CFAP99: variants seen among roughly 807,000 people sequenced by gnomAD.
The protein encoded by CFAP99 is cilia- and flagella-associated protein 99.
Under a neutral mutation model 82.7 loss-of-function variants are expected in CFAP99, and 84 were observed. The ratio of observed to expected loss-of-function variants is 1.02; its 90% CI spans 0.85 to 1.22. The LOEUF is 1.22. CFAP99 is among the 50% of genes most tolerant of loss of function. The pLI is 0.00. For synonymous variants in CFAP99, 456 were observed against 429.5 expected (o/e 1.06, Z -0.76); for missense variants, 1,059 against 983.5 (o/e 1.08, Z -1.03).
chr4:2,445,746 T>C (rs1446583342), intron 6 of CFAP99, among the ~76,000 whole-genome samples: 1 of 152,196 alleles, frequency 6.6e-6, no homozygotes, highest in Non-Finnish European at 1.5e-5. Context: ...TCAGTCAGGA[T>C]GCTTTGTATT....
In CFAP99 at chr4:2,462,387, G is replaced by A; in HGVS notation, c.1662-56G>A. The A allele has an allele frequency of 7.3e-7, 1 of 1,376,558 alleles. No homozygotes were observed. The highest frequency in any genetic ancestry group is 9.3e-7 in the Non-Finnish European group (1 of 1,075,346). The allele number at this position is 1,376,558 out of a possible 1,614,324, so 85.3% of individuals were successfully genotyped here. ...TCGCTTGGACACGGGTGGCATCCTG[G>A]GTCTGGCCTGGGCCTCCCGCCGGCC... On this transcript the variant is annotated intron_variant, in intron 14 of 14. Transcript: ENST00000635017. This position sits in a 1 kb window ranked among gnomAD's most constrained non-coding sequence, Gnocchi z 4.1.
rs1042316514 is a variant in CFAP99, at chr4:2,432,442, G to A, written c.112-4432G>A. Among the ~76,000 whole-genome samples the A allele has an allele frequency of 3.3e-5, 5 of 152,352 alleles. No homozygotes were observed. The East Asian group carries it at 9.6e-4, about 29-fold the overall frequency. On this transcript the variant is annotated intron_variant, in intron 2 of 14. Transcript: ENST00000635017. ...GCATTCTTTCTGTTAAGTGAGAAGTGCGGCCCTGCAGCCTCCGTTTCCTTT... is the reference window on the plus strand; with the variant it reads ...GCATTCTTTCTGTTAAGTGAGAAGTACGGCCCTGCAGCCTCCGTTTCCTTT...
chr4:2,422,098 C>CT (rs1350249298), intron 1 of CFAP99, among the ~76,000 whole-genome samples: 4 of 152,304 alleles, frequency 2.6e-5, no homozygotes, highest in African/African-American at 9.6e-5. Flanking sequence ...AGCTGAGATG[C>CT]TGAAAGCAGG....
chr4:2,449,760 G>A lies in CFAP99; in HGVS notation c.723+10G>A. On this transcript the variant is annotated intron_variant, in intron 7 of 14. Coordinates refer to ENST00000635017, the Ensembl canonical transcript of CFAP99. ...CCGCCGAAAGGCCGAGGTGAGCTGTGTGCGACCCCTGCCTTCCTAGAGACC... is the reference window on the plus strand; with the variant it reads ...CCGCCGAAAGGCCGAGGTGAGCTGTATGCGACCCCTGCCTTCCTAGAGACC... 1 of 1,536,182 alleles carries A rather than the reference G, an allele frequency of 6.5e-7. No individual in the cohort carries two copies. The highest frequency in any genetic ancestry group is 8.7e-7 in the Non-Finnish European group (1 of 1,146,866).
chr4:2,446,163 C>A lies in CFAP99; in HGVS notation c.642+855C>A, dbSNP rs1477303692. Among the ~76,000 whole-genome samples, 1 of 152,174 alleles carries A rather than the reference C, an allele frequency of 6.6e-6. No individual in the cohort carries two copies. The highest frequency in any genetic ancestry group is 2.4e-5 in the African/African-American group (1 of 41,442). On this transcript the variant is annotated intron_variant, in intron 6 of 14. Coordinates refer to ENST00000635017, the Ensembl canonical transcript of CFAP99. The surrounding 1 kb of genome is among the most constrained non-coding windows in gnomAD (Gnocchi z 5.0). ...TTCAGGTCTCATTAAAATCCCTCTT[C>A]CCAGAGAGGCTTTTCATGAACCCCT...
At chr4:2,452,009 G>A (rs1734313330) in intron 10 of CFAP99, 133 bp from the exon 11 acceptor site, 2 of 862,056 alleles carry the variant, frequency 2.3e-6, no homozygotes, top group African/African-American at 1.7e-5. Flanking sequence ...AGGAAGGGCA[G>A]GCCACGCAGC....
At chr4:2,435,160 G>T (rs1733881520) in intron 2 of CFAP99, among the ~76,000 whole-genome samples, 1 of 151,998 alleles carries the variant, frequency 6.6e-6, no homozygotes, top group African/African-American at 2.4e-5. Flanking sequence ...AGCCAGGCGT[G>T]GGTGGCTGGA....
intron 6 of CFAP99, 94 bp downstream of exon 6, chr4:2,445,402 T>TC (rs1159509246): frequency 1.8e-6 from 2 of 1,123,390 alleles, no homozygotes; most frequent in Middle Eastern, 3.0e-4. Flanking sequence ...GGGACTGGGC[T>TC]CCCCCCAGGG....
chr4:2,458,063 C>A (rs1343768378), intron 11 of CFAP99, among the ~76,000 whole-genome samples: 1 of 152,094 alleles, frequency 6.6e-6, no homozygotes, highest in African/African-American at 2.4e-5. Flanking sequence ...CCAGGAGGCA[C>A]CGCCGCCCTC....
intron 4 of CFAP99, among the ~76,000 whole-genome samples, chr4:2,440,588 CA>C (rs1161965527): frequency 6.6e-6 from 1 of 151,336 alleles, no homozygotes; most frequent in Non-Finnish European, 1.5e-5. Context: ...CCCATCTCTA[CA>C]AAAAAATATT....
chr4:2,426,521 G>A (rs555111882), exon 2 of CFAP99: 92 of 1,536,002 alleles, frequency 6.0e-5, no homozygotes, highest in Non-Finnish European at 7.8e-5. Flanking sequence ...CGAGCAACTC[G>A]ACAAATTTAC....
chr4:2,459,156 G>C, exon 13 of CFAP99: 1 of 1,535,336 alleles, frequency 6.5e-7, no homozygotes, highest in Non-Finnish European at 8.7e-7. Context: ...GCAGGGCGCA[G>C]GCAGCCCAGG....
At chr4:2,456,814 C>A (rs982928088) in intron 11 of CFAP99, among the ~76,000 whole-genome samples, 2 of 151,984 alleles carry the variant, frequency 1.3e-5, no homozygotes, top group Non-Finnish European at 1.5e-5. Context: ...CCACCGCGCC[C>A]GGCCAATAAC....
At chr4:2,433,733 A>G (rs1280615029) in intron 2 of CFAP99, among the ~76,000 whole-genome samples, 5 of 152,238 alleles carry the variant, frequency 3.3e-5, no homozygotes, top group African/African-American at 4.8e-5. Flanking sequence ...CGACTGGGAC[A>G]GGCCATGTCC....
At chr4:2,447,559 G>A (rs1375338947) in intron 6 of CFAP99, among the ~76,000 whole-genome samples, 2 of 151,766 alleles carry the variant, frequency 1.3e-5, no homozygotes, top group South Asian at 2.1e-4. Flanking sequence ...ATGGGTGGAT[G>A]GATGATGAGA....
At chr4:2,437,333 G>T (rs995805664) in intron 3 of CFAP99, among the ~76,000 whole-genome samples, 1 of 152,220 alleles carries the variant, frequency 6.6e-6, no homozygotes, top group Non-Finnish European at 1.5e-5. Flanking sequence ...TGACCCCGAG[G>T]CCTTTGGACA....
chr4:2,454,594 G>GTTTTTTTTTTTTTTTTTTTTTTTGT (rs1204498727), intron 11 of CFAP99, among the ~76,000 whole-genome samples: 5 of 84,538 alleles, frequency 5.9e-5, no homozygotes, highest in Non-Finnish European at 1.2e-4. Flanking sequence ...TTTTTTTTTT[G>GTTTTTTTTTTTTTTTTTTTTTTTGT]TTTTTTTTTT....
chr4:2,451,142 C>A (rs1578479176), intron 9 of CFAP99, 122 bp from the exon 10 acceptor site: 1 of 1,452,248 alleles, frequency 6.9e-7, no homozygotes, highest in Admixed American at 2.0e-5. Context: ...ACGGCCCCAC[C>A]CTGGGGGATA....
At chr4:2,435,470 A>G (rs75357196) in intron 2 of CFAP99, among the ~76,000 whole-genome samples, 6,413 of 152,288 alleles carry the variant, frequency 0.042, 422 homozygotes, top group African/African-American at 0.14. Context: ...CTATGTTAAT[A>G]GCCTTAACAT....
Sources: gnomAD v4.1 joint callset for allele counts (sites outside exome capture counted in the v4.1 genomes callset) on GRCh38, gnomAD v4.1.1 for gene constraint, Gnocchi (gnomAD v3.1) non-coding constraint, MANE v1.5 for transcripts, NCBI Gene and HGNC (gene_info 2026-07-23, HGNC 2026-07-21) for gene names.